The following AFF3 variants were observed in gnomAD, a reference collection of about 807,000 sequenced individuals.
The protein encoded by AFF3 is ALF transcription elongation factor 3.
In AFF3, 32 loss-of-function variants were observed where a neutral mutation model predicts 129.7. That is an observed-to-expected ratio of 0.25 (90% CI 0.19 to 0.33). The LOEUF (loss-of-function observed/expected upper bound fraction) is 0.33. AFF3 is among the 10% of genes least tolerant of loss of function. The pLI is 1.00. For synonymous variants in AFF3, 644 were observed against 635.4 expected (o/e 1.01, Z -0.20); for missense variants, 1,373 against 1,592.0 (o/e 0.86, Z 2.34).
At chr2:100,000,729 C>T (rs1573064443) in intron 7 of AFF3, among the ~76,000 whole-genome samples, 1 of 152,314 alleles carries the variant, frequency 6.6e-6, no homozygotes, top group Middle Eastern at 3.4e-3. Flanking sequence ...GTATCATTAT[C>T]ATGTTCTCCA....
intron 17 of AFF3, among the ~76,000 whole-genome samples, chr2:99,582,106 C>T (rs2104826082): frequency 6.6e-6 from 1 of 152,270 alleles, no homozygotes; most frequent in Admixed American, 6.5e-5. Flanking sequence ...CCGCCCGCCG[C>T]AGCCTCCCAA....
intron 7 of AFF3, among the ~76,000 whole-genome samples, chr2:99,962,316 A>G (rs1444067887): frequency 6.6e-6 from 1 of 152,214 alleles, no homozygotes; most frequent in Non-Finnish European, 1.5e-5. Flanking sequence ...TGTGTGCTAA[A>G]TGTTAAAATG....
At chr2:100,029,519 T>G (rs1438221783) in intron 4 of AFF3, among the ~76,000 whole-genome samples, 2 of 152,108 alleles carry the variant, frequency 1.3e-5, no homozygotes, top group African/African-American at 4.8e-5. Context: ...ACAACACGGA[T>G]GGGCCTTCAG....
At chr2:99,993,053 T>C (rs1680501112) in intron 7 of AFF3, among the ~76,000 whole-genome samples, 1 of 152,226 alleles carries the variant, frequency 6.6e-6, no homozygotes, top group Non-Finnish European at 1.5e-5. Context: ...TTGGATCATG[T>C]GGATAAGACT....
chr2:100,007,485 G>A (rs766975942), intron 5 of AFF3, 25 bp from the exon 6 acceptor site: 10 of 1,589,142 alleles, frequency 6.3e-6, no homozygotes, highest in African/African-American at 2.7e-5. Flanking sequence ...ACACATCCAC[G>A]CTATTGTTAG....
intron 7 of AFF3, among the ~76,000 whole-genome samples, chr2:99,907,129 A>G (rs1694774048): frequency 6.6e-6 from 1 of 152,154 alleles, no homozygotes; most frequent in Non-Finnish European, 1.5e-5. Flanking sequence ...AGCAACACTC[A>G]TGGCTATTTC....
intron 4 of AFF3, among the ~76,000 whole-genome samples, chr2:100,041,618 G>A (rs1416180400): frequency 6.6e-6 from 1 of 152,138 alleles, no homozygotes; most frequent in South Asian, 2.1e-4. Context: ...AGCCACAGGG[G>A]ATATACAGTC....
intron 2 of AFF3, among the ~76,000 whole-genome samples, chr2:100,115,041 A>G (rs1258860706): frequency 6.6e-6 from 1 of 152,192 alleles, no homozygotes; most frequent in Admixed American, 6.5e-5. Flanking sequence ...ATCAAGATGA[A>G]TCTTAGGGAA....
intron 11 of AFF3, among the ~76,000 whole-genome samples, chr2:99,704,273 G>A (rs1677153126): frequency 1.3e-5 from 2 of 152,132 alleles, no homozygotes; most frequent in Admixed American, 1.3e-4. Context: ...TCTTTCTGGT[G>A]GAGAAGTTCC....
intron 7 of AFF3, among the ~76,000 whole-genome samples, chr2:99,990,759 G>A (rs923040320): frequency 6.6e-6 from 1 of 152,120 alleles, no homozygotes. Context: ...AAGAATATGA[G>A]AGACCTTCGA....
chr2:99,657,975 C>T (rs566778947), intron 12 of AFF3, among the ~76,000 whole-genome samples: 1 of 152,310 alleles, frequency 6.6e-6, no homozygotes, highest in African/African-American at 2.4e-5. Context: ...TTTTTTTGAG[C>T]ATTTCTAGGA....
chr2:99,947,398 G>A (rs953206818), intron 7 of AFF3, among the ~76,000 whole-genome samples: 17 of 151,904 alleles, frequency 1.1e-4, no homozygotes, highest in Admixed American at 6.6e-4. Context: ...ACCCAAGGTC[G>A]TGCCATTGCA....
At chr2:99,826,827 A>G (rs1415540840) in intron 8 of AFF3, among the ~76,000 whole-genome samples, 2 of 152,152 alleles carry the variant, frequency 1.3e-5, no homozygotes, top group African/African-American at 4.8e-5. Context: ...TGCTTTGGAA[A>G]GTGGATTCTG....
intron 7 of AFF3, among the ~76,000 whole-genome samples, chr2:99,906,129 C>T (rs962904062): frequency 6.6e-6 from 1 of 152,096 alleles, no homozygotes; most frequent in Non-Finnish European, 1.5e-5. Flanking sequence ...CTAAATAATG[C>T]GAAGATAAAA....
At chr2:99,560,328 G>C in intron 21 of AFF3, 37 bp downstream of exon 21, 2 of 1,605,208 alleles carry the variant, frequency 1.2e-6, no homozygotes, top group Non-Finnish European at 1.7e-6. Context: ...GGCATGCGAG[G>C]CTGGGGCTGC....
chr2:99,632,358 T>C (rs950914773), intron 13 of AFF3, among the ~76,000 whole-genome samples: 1 of 152,096 alleles, frequency 6.6e-6, no homozygotes, highest in African/African-American at 2.4e-5. Context: ...TCCTAATGGG[T>C]GTGATAAGGG....
intron 13 of AFF3, among the ~76,000 whole-genome samples, chr2:99,619,483 T>C (rs900088695): frequency 6.6e-6 from 1 of 152,198 alleles, no homozygotes; most frequent in African/African-American, 2.4e-5. Context: ...GGGAGTGCTG[T>C]TCATCCTTTT....
intron 7 of AFF3, among the ~76,000 whole-genome samples, chr2:99,955,305 ATAGAG>A (rs145376261): frequency 0.017 from 2,550 of 152,290 alleles, 84 homozygotes; most frequent in African/African-American, 0.058. Context: ...AATAAAATAT[ATAGAG>A]TATTCTGTCC....
At chr2:100,059,254 C>CCAAA (rs777058214) in intron 4 of AFF3, among the ~76,000 whole-genome samples, 2 of 31,020 alleles carry the variant, frequency 6.4e-5, no homozygotes, top group Admixed American at 5.2e-4. Flanking sequence ...ACTCTGTCTC[C>CCAAA]AAAAAAAAAA....
Sources: allele counts gnomAD v4.1 joint callset (sites outside exome capture counted in the v4.1 genomes callset), GRCh38; gene constraint gnomAD v4.1.1; transcripts MANE v1.5; gene names NCBI Gene and HGNC (gene_info 2026-07-23, HGNC 2026-07-21).